The following AFF3 variants were observed in gnomAD, a reference collection of about 807,000 sequenced individuals.
The protein encoded by AFF3 is ALF transcription elongation factor 3.
Under a neutral mutation model 129.7 loss-of-function variants are expected in AFF3, and 32 were observed. That is an observed-to-expected ratio of 0.25 (90% confidence interval 0.19 to 0.33). The LOEUF (loss-of-function observed/expected upper bound fraction) is 0.33, where lower values mean the gene tolerates loss of function less well. Ranked by LOEUF, AFF3 falls within the 10% of genes least tolerant of loss-of-function variation. The probability of loss-of-function intolerance (pLI) is 1.00; values close to 1 mark genes in which losing one functional copy is unlikely to be tolerated. For synonymous variants in AFF3, 644 were observed against 635.4 expected, an observed-to-expected ratio of 1.01 and a Z score of -0.20; for missense variants, 1,373 against 1,592.0, an observed-to-expected ratio of 0.86 and a Z score of 2.34.
intron 8 of AFF3, among the ~76,000 whole-genome samples, chr2:99,813,183 T>C (rs765063622): frequency 6.6e-6 from 1 of 152,146 alleles, no homozygotes; most frequent in Admixed American, 6.5e-5. Context: ...CAGGCAGAGG[T>C]TGGAGGGACG....
intron 4 of AFF3, among the ~76,000 whole-genome samples, chr2:100,065,565 T>C (rs1191763879): frequency 6.6e-6 from 1 of 152,208 alleles, no homozygotes; most frequent in Admixed American, 6.5e-5. Flanking sequence ...TTATTTTAAG[T>C]AAAACTATTA....
intron 4 of AFF3, among the ~76,000 whole-genome samples, chr2:100,061,406 T>C (rs1687261076): frequency 6.6e-6 from 1 of 152,102 alleles, no homozygotes; most frequent in Non-Finnish European, 1.5e-5. Flanking sequence ...AATGGCTTCC[T>C]GATCATCTTT....
chr2:100,011,514 T>C, intron 4 of AFF3: 1 of 781,072 alleles, frequency 1.3e-6, no homozygotes, highest in Non-Finnish European at 2.4e-6. Flanking sequence ...ATCTGCTGGC[T>C]GATGACTGAA....
At chr2:99,673,573 C>T (rs1687353787) in intron 11 of AFF3, among the ~76,000 whole-genome samples, 1 of 152,184 alleles carries the variant, frequency 6.6e-6, no homozygotes, top group African/African-American at 2.4e-5. Flanking sequence ...GCTCTCCACG[C>T]AGAGACGCTC....
At chr2:99,833,614 T>C (rs1055406982) in intron 8 of AFF3, among the ~76,000 whole-genome samples, 5 of 152,152 alleles carry the variant, frequency 3.3e-5, no homozygotes, top group African/African-American at 9.7e-5. Context: ...CTGTCTTGCA[T>C]AAAAACTGTA....
intron 8 of AFF3, among the ~76,000 whole-genome samples, chr2:99,768,585 CA>C (rs1683207980): frequency 6.6e-6 from 1 of 152,142 alleles, no homozygotes; most frequent in African/African-American, 2.4e-5. Context: ...TTACTGTTAC[CA>C]GTGAGTTTTA....
chr2:100,107,208 A>G, intron 2 of AFF3: 1 of 985,368 alleles, frequency 1.0e-6, no homozygotes, highest in Non-Finnish European at 1.2e-6. Context: ...GTTTTTTACT[A>G]AGCTGTCATG....
Position 100,074,520 on chromosome 2 carries a change from G to A in AFF3, c.53+29882C>T, listed in dbSNP as rs528192965. 2.6e-5 allele frequency among the ~76,000 whole-genome samples: 4 copies of A among 152,314 alleles called. No individual in the cohort carries two copies. In the South Asian group the frequency reaches 8.3e-4, roughly 32 times the overall value. The stretch of plus-strand genomic sequence containing the variant: ...TACGATTTTACAGTGGATCCATACA[G>A]TATGAAGCAATAAGGTGACTTAAAA... On this transcript the variant is annotated intron_variant, in intron 4 of 24. Coordinates refer to ENST00000672756, the MANE Select transcript of AFF3 (RefSeq NM_001386135.1).
At chr2:99,996,670 G>A (rs961550704) in intron 7 of AFF3, among the ~76,000 whole-genome samples, 6 of 151,484 alleles carry the variant, frequency 4.0e-5, no homozygotes, top group East Asian at 3.9e-4. Context: ...GTGAGCCACC[G>A]CGCCCAGCCC....
chr2:99,704,770 C>T (rs1677196510), intron 11 of AFF3, among the ~76,000 whole-genome samples: 1 of 152,134 alleles, frequency 6.6e-6, no homozygotes, highest in Non-Finnish European at 1.5e-5. Context: ...CCTGAAGGTA[C>T]CACATATAAC....
chr2:99,998,777 T>G (rs1681102706), intron 7 of AFF3, among the ~76,000 whole-genome samples: 1 of 152,022 alleles, frequency 6.6e-6, no homozygotes, highest in South Asian at 2.1e-4. Context: ...GAACGAGGAA[T>G]CGTGACAGAA....
chr2:100,006,393 T>G (rs1681973068), intron 7 of AFF3: 2 of 444,564 alleles, frequency 4.5e-6, no homozygotes, highest in Non-Finnish European at 7.7e-6. Flanking sequence ...CTTCCCTAAC[T>G]AATACATACA....
At chr2:100,061,218 T>A (rs897049347) in intron 4 of AFF3, among the ~76,000 whole-genome samples, 2 of 152,204 alleles carry the variant, frequency 1.3e-5, no homozygotes, top group Non-Finnish European at 2.9e-5. Context: ...AGTCCCAAAG[T>A]GCAGCCCATG....
intron 8 of AFF3, among the ~76,000 whole-genome samples, chr2:99,774,423 C>A (rs1211348004): frequency 2.0e-5 from 3 of 151,954 alleles, no homozygotes; most frequent in Non-Finnish European, 4.4e-5. Flanking sequence ...AATAGAGAAC[C>A]CAGAAATAAG....
chr2:99,832,964 G>A (rs1267207616), intron 8 of AFF3, among the ~76,000 whole-genome samples: 1 of 152,172 alleles, frequency 6.6e-6, no homozygotes, highest in Non-Finnish European at 1.5e-5. Flanking sequence ...AGAAAAAAAA[G>A]CCTGCCTGGT....
intron 4 of AFF3, among the ~76,000 whole-genome samples, chr2:100,040,670 T>G (rs1279750425): frequency 6.6e-6 from 1 of 152,174 alleles, no homozygotes; most frequent in Non-Finnish European, 1.5e-5. Context: ...GCACACCTGC[T>G]TTGTTCCCCT....
intron 11 of AFF3, among the ~76,000 whole-genome samples, chr2:99,696,138 T>C (rs72968256): frequency 0.076 from 11,543 of 152,074 alleles, 503 homozygotes; most frequent in East Asian, 0.1. Flanking sequence ...GATTATTTTT[T>C]TTTTTCATGA....
chr2:99,867,754 A>G (rs1691537983), intron 7 of AFF3, among the ~76,000 whole-genome samples: 1 of 152,038 alleles, frequency 6.6e-6, no homozygotes, highest in Non-Finnish European at 1.5e-5. Flanking sequence ...GGGGCTCACC[A>G]TCTCTTCCAT....
intron 1 of AFF3, among the ~76,000 whole-genome samples, chr2:100,138,748 A>C (rs1324229999): frequency 3.3e-5 from 5 of 151,856 alleles, no homozygotes; most frequent in Admixed American, 3.3e-4. Flanking sequence ...AGTTCGAGAC[A>C]AGCCTGGCCA....
Sources: allele counts gnomAD v4.1 joint callset (sites outside exome capture counted in the v4.1 genomes callset), GRCh38; gene constraint gnomAD v4.1.1; transcripts MANE v1.5; gene names NCBI Gene and HGNC (gene_info 2026-07-23, HGNC 2026-07-21).